PSME4: variants seen among roughly 807,000 people sequenced by gnomAD.
The protein encoded by PSME4 is proteasome activator complex subunit 4.
In PSME4, 89 loss-of-function variants were observed where a neutral mutation model predicts 253.9. The observed-to-expected ratio is 0.35, with a 90% confidence interval of 0.30 to 0.42. PSME4 has a LOEUF of 0.42. Ranked by LOEUF, PSME4 falls within the 10% of genes least tolerant of loss-of-function variation. PSME4 has a pLI of 1.00. For missense variants in PSME4, 2,014 were observed against 2,195.2 expected, an observed-to-expected ratio of 0.92 and a Z score of 1.65; for synonymous variants, 851 against 759.2, an observed-to-expected ratio of 1.12 and a Z score of -1.99.
At chr2:53,935,935 C>A in intron 7 of PSME4, 152 bp downstream of exon 7, 1 of 867,306 alleles carries the variant, frequency 1.2e-6, no homozygotes, top group African/African-American at 1.7e-5. Flanking sequence ...GCTCTGTCAC[C>A]CAGGCTGGAG....
At chr2:53,957,893 T>A (rs13412072) in intron 1 of PSME4, among the ~76,000 whole-genome samples, 1,648 of 152,238 alleles carry the variant, frequency 0.011, 25 homozygotes, top group African/African-American at 0.038. Context: ...ACTTTGAGCT[T>A]ACAAAAACTA....
Position 53,923,848 on chromosome 2 carries a change from G to A in PSME4, c.1810-429C>T, listed in dbSNP as rs571303260. ...TGAGGCATGCGAATTGCTTGAACCC[G>A]GGAGGTGGAGGTTGCAGTGAGCCGA... On this transcript the variant is annotated intron_variant, in intron 14 of 46. Transcript: ENST00000404125. Among the ~76,000 whole-genome samples the A allele has an allele frequency of 6.0e-5, 9 of 150,182 alleles. No homozygotes were observed. The East Asian group carries it at 1.2e-3, about 20-fold the overall frequency.
At chr2:53,957,641 G>A (rs574669550) in intron 1 of PSME4, among the ~76,000 whole-genome samples, 2 of 152,296 alleles carry the variant, frequency 1.3e-5, no homozygotes, top group South Asian at 4.1e-4. Flanking sequence ...TTAACAGTAC[G>A]TGGCCTGGGA....
intron 3 of PSME4, among the ~76,000 whole-genome samples, chr2:53,941,562 C>G (rs1669456294): frequency 6.6e-6 from 1 of 151,944 alleles, no homozygotes; most frequent in Non-Finnish European, 1.5e-5. Context: ...TATATTTATA[C>G]TTATCTGTCT....
Position 53,940,952 on chromosome 2 carries a change from C to CATATATAT in PSME4, c.501-960_501-953dup, listed in dbSNP as rs1169212491. ...TAATACATATATAAATATATATATA[C>CATATATAT]ATATATATATATATATATATATATA... On this transcript the variant is annotated intron_variant, in intron 3 of 46. Coordinates refer to ENST00000404125, the MANE Select transcript of PSME4 (RefSeq NM_014614.3). Among the ~76,000 whole-genome samples the CATATATAT allele has an allele frequency of 1.9e-3, 45 of 23,942 alleles. 2 individuals are homozygous for CATATATAT. The highest frequency in any genetic ancestry group is 2.3e-3 in the Non-Finnish European group (32 of 13,762). 15.7% of individuals were successfully genotyped at this position (23,942 alleles called of 152,430 possible). A position where few individuals can be genotyped will look rare whatever the true frequency, so the allele number is the denominator to read the frequency against.
intron 41 of PSME4, among the ~76,000 whole-genome samples, chr2:53,881,304 T>C (rs1392110032): frequency 6.6e-6 from 1 of 152,224 alleles, no homozygotes; most frequent in East Asian, 1.9e-4. Flanking sequence ...AAGTTTTACA[T>C]ATGCGAAACT....
chr2:53,926,018 T>A lies in PSME4; in HGVS notation c.1599A>T (p.Glu533Asp), dbSNP rs777174144. 6 of 1,612,244 alleles carry A rather than the reference T, an allele frequency of 3.7e-6. No individual in the cohort carries two copies. The highest frequency in any genetic ancestry group is 5.1e-6 in the Non-Finnish European group (6 of 1,178,280). ...CAGCTGTGGCTGAACAAAGTTCTCG[T>A]TCCACCTATAATATCCCAATATGGA... ...LQERNDLTEV[E>D]RELCSATAEF... Residue 533 changes from glutamate (E) to aspartate (D), a missense_variant, in exon 13 of 47, where the codon GAA becomes GAT. Glu to Asp is a conservative substitution (Grantham distance 45, BLOSUM62 2). Transcript: ENST00000404125.
chr2:53,881,812 G>A (rs1248108622), intron 41 of PSME4, among the ~76,000 whole-genome samples: 3 of 151,990 alleles, frequency 2.0e-5, no homozygotes, highest in South Asian at 2.1e-4. Context: ...TCAAACTCCC[G>A]ATCTCAAGTG....
intron 10 of PSME4, among the ~76,000 whole-genome samples, chr2:53,930,150 T>C (rs1668759261): frequency 6.6e-6 from 1 of 152,194 alleles, no homozygotes; most frequent in Non-Finnish European, 1.5e-5. Flanking sequence ...GTCTATTAAA[T>C]ATTTATCTTG....
rs747607737 is a variant in PSME4 at position 53,925,064 on chromosome 2, C to T, written c.1809+475G>A. Among the ~76,000 whole-genome samples the T allele has an allele frequency of 2.8e-4, 42 of 152,186 alleles. 1 individual carries two copies. Among genetic ancestry groups the T allele is most frequent in the Admixed American group, 7.2e-4 (11 of 15,278 alleles). ...AGCACAGTGTTTTTTCCATTAGGCA[C>T]AGCACAACTCTCTTATGCTTAGGAA... is the stretch of plus-strand genomic sequence containing the variant. On this transcript the variant is annotated intron_variant, in intron 14 of 46. Coordinates refer to ENST00000404125, the MANE Select transcript of PSME4 (RefSeq NM_014614.3).
intron 35 of PSME4, among the ~76,000 whole-genome samples, chr2:53,893,266 A>G (rs1342634053): frequency 6.6e-6 from 1 of 152,168 alleles, no homozygotes; most frequent in African/African-American, 2.4e-5. Context: ...GCCAATTACA[A>G]CAAACATTAA....
At chr2:53,934,357 G>T in intron 8 of PSME4, among the ~76,000 whole-genome samples, 1 of 152,134 alleles carries the variant, frequency 6.6e-6, no homozygotes, top group East Asian at 1.9e-4. Context: ...AAAAATGTTA[G>T]ACATCGTGAA....
chr2:53,881,362 T>C (rs1221821752), intron 41 of PSME4: 1 of 152,218 alleles, frequency 6.6e-6, no homozygotes, highest in Non-Finnish European at 1.5e-5. Context: ...AAACTTAGGA[T>C]AAAATACCTC....
At chr2:53,890,909 C>G (rs1679876001) in intron 36 of PSME4, among the ~76,000 whole-genome samples, 1 of 152,128 alleles carries the variant, frequency 6.6e-6, no homozygotes, top group Non-Finnish European at 1.5e-5. Flanking sequence ...TGCCTGTAAT[C>G]CCAACTACTC....
chr2:53,886,162 C>T (rs139173873), intron 40 of PSME4, among the ~76,000 whole-genome samples: 1 of 152,154 alleles, frequency 6.6e-6, no homozygotes, highest in African/African-American at 2.4e-5. Context: ...AATTCTAGCA[C>T]TTTTGGAGGC....
chr2:53,895,749 C>T lies in PSME4; in HGVS notation c.3689-13G>A, dbSNP rs751537394. Reference sequence around the variant, plus strand: ...TTAGGGCATCCACCTAAGGAAAAGACAATCACATTTGATGAATTTAAAAAT... The same window carrying T: ...TTAGGGCATCCACCTAAGGAAAAGATAATCACATTTGATGAATTTAAAAAT... On this transcript the variant is annotated splice_polypyrimidine_tract_variant and intron_variant, in intron 32 of 46. Coordinates refer to ENST00000404125, the MANE Select transcript of PSME4 (RefSeq NM_014614.3). 9.3e-5 allele frequency: 146 copies of T among 1,562,772 alleles called. No individual in the cohort carries two copies. The highest frequency in any genetic ancestry group is 1.2e-4 in the Non-Finnish European group (137 of 1,158,974).
intron 30 of PSME4, 112 bp from the exon 31 acceptor site, chr2:53,898,111 T>C: frequency 1.5e-6 from 2 of 1,312,034 alleles, no homozygotes; most frequent in Non-Finnish European, 2.1e-6. Flanking sequence ...AAAATAGGTC[T>C]AGTGAAGAAT....
At chr2:53,900,337 C>A (rs559451605) in intron 28 of PSME4, among the ~76,000 whole-genome samples, 1 of 151,426 alleles carries the variant, frequency 6.6e-6, no homozygotes, top group East Asian at 1.9e-4. Context: ...GGTGAGGGGA[C>A]TGCTTGAGGC....
In PSME4 at chr2:53,868,297, A is replaced by C. The variant is rs1336079691; in HGVS notation, c.5263+1079T>G. ...CATGGTGAAACTCTACTAAAAATACAAAAAATTAGCCAGGTGTAGTAGCGC... is the reference window on the plus strand; with the variant it reads ...CATGGTGAAACTCTACTAAAAATACCAAAAATTAGCCAGGTGTAGTAGCGC... On this transcript the variant is annotated intron_variant, in intron 44 of 46. Transcript: ENST00000404125. Among the ~76,000 whole-genome samples, 4 of 151,210 alleles carry C rather than the reference A, an allele frequency of 2.6e-5. No individual in the cohort carries two copies. In the East Asian group the frequency reaches 7.8e-4, roughly 29 times the overall value.
Sources: gnomAD v4.1 joint callset for allele counts (sites outside exome capture counted in the v4.1 genomes callset) on GRCh38, gnomAD v4.1.1 for gene constraint, MANE v1.5 for transcripts, NCBI Gene and HGNC (gene_info 2026-07-23, HGNC 2026-07-21) for gene names.